The following SETX variants were observed in gnomAD, a reference collection of about 807,000 sequenced individuals.
SETX encodes helicase senataxin.
Under a neutral mutation model 227.2 loss-of-function variants are expected in SETX, and 90 were observed. The observed-to-expected ratio is 0.40, with a 90% confidence interval of 0.33 to 0.47. The LOEUF is 0.47. SETX is among the 20% of genes least tolerant of loss of function. The pLI, the probability that SETX is intolerant of heterozygous loss-of-function variation, is 0.91. For missense variants in SETX, 3,052 were observed against 3,181.5 expected (o/e 0.96, Z 0.98); for synonymous variants, 1,210 against 1,113.2 (o/e 1.09, Z -1.73).
intron 15 of SETX, among the ~76,000 whole-genome samples, chr9:132,290,329 C>A (rs1373285316): frequency 1.3e-5 from 2 of 152,076 alleles, no homozygotes; most frequent in Non-Finnish European, 2.9e-5. Flanking sequence ...GTAATCCCAG[C>A]ACTCTGGGAG....
intron 18 of SETX, among the ~76,000 whole-genome samples, chr9:132,284,154 G>A (rs909197227): frequency 1.3e-5 from 2 of 152,138 alleles, no homozygotes; most frequent in Admixed American, 6.5e-5. Flanking sequence ...GGTCCTCCAC[G>A]GCTCACACAG....
chr9:132,280,558 A>G (rs981036010), intron 20 of SETX, among the ~76,000 whole-genome samples: 1 of 152,190 alleles, frequency 6.6e-6, no homozygotes, highest in Non-Finnish European at 1.5e-5. Context: ...CTCAAATGTC[A>G]TACAAAGAAC....
Position 132,346,246 on chromosome 9 carries a change from C to T in SETX, c.388+15G>A, listed in dbSNP as rs1168501889. The T allele has an allele frequency of 1.9e-6, 3 of 1,586,314 alleles. No individual in the cohort carries two copies. Among genetic ancestry groups the T allele is most frequent in the Non-Finnish European group, 1.7e-6 (2 of 1,155,004 alleles). ...ATAAAACTGATATAACTTGAGGAACCATCAAGATACTCACTAACACGTTCA... is the reference window on the plus strand; with the variant it reads ...ATAAAACTGATATAACTTGAGGAACTATCAAGATACTCACTAACACGTTCA... On this transcript the variant is annotated intron_variant, in intron 4 of 25. Coordinates refer to ENST00000224140, the MANE Select transcript of SETX (RefSeq NM_015046.7).
chr9:132,317,309 T>C (rs886896405), intron 10 of SETX, among the ~76,000 whole-genome samples: 1 of 152,218 alleles, frequency 6.6e-6, no homozygotes, highest in Non-Finnish European at 1.5e-5. Context: ...CTGGGGTTTC[T>C]GTGTAGGTCA....
chr9:132,296,883 C>A lies in SETX; in HGVS notation c.5949+4G>T. 6.2e-7 allele frequency: 1 copy of A among 1,613,994 alleles called. No homozygotes were observed. Among genetic ancestry groups the A allele is most frequent in the Non-Finnish European group, 8.5e-7 (1 of 1,179,956 alleles). On this transcript the variant is annotated splice_donor_region_variant and intron_variant, in intron 14 of 25. Transcript: ENST00000224140. ...ACAGCATCAGTGCCCTCACCCATAC[C>A]TACCTCTGTCAGTAGACGATAGAGG...
At chr9:132,267,834 C>A (rs1589603262) in intron 25 of SETX, among the ~76,000 whole-genome samples, 2 of 152,212 alleles carry the variant, frequency 1.3e-5, no homozygotes, top group African/African-American at 2.4e-5. Flanking sequence ...CCTCCTGCAC[C>A]CCACCCTTCA....
chr9:132,296,194 AC>A (rs1844658982), intron 14 of SETX, among the ~76,000 whole-genome samples, 166 bp from the exon 15 acceptor site: 1 of 152,194 alleles, frequency 6.6e-6, no homozygotes, highest in Admixed American at 6.5e-5. Context: ...ATTTAAAATT[AC>A]TCCAGCAAAA....
chr9:132,298,389 T>G (rs1844799990), intron 12 of SETX, 77 bp from the exon 13 acceptor site: 5 of 1,182,896 alleles, frequency 4.2e-6, no homozygotes, highest in Non-Finnish European at 6.3e-6. Context: ...CATGCAGAAT[T>G]AGGTATTTTT....
Position 132,292,369 on chromosome 9 carries a change from C to A in SETX, c.6106+3503G>T, listed in dbSNP as rs1844373238. On this transcript the variant is annotated intron_variant, in intron 15 of 25. Coordinates refer to ENST00000224140, the MANE Select transcript of SETX (RefSeq NM_015046.7). ...ACTTGAGCCCAGGAGGGCAAGGCTGCACTGAGCCATGATCATGCCAATGTA... is the reference window on the plus strand; with the variant it reads ...ACTTGAGCCCAGGAGGGCAAGGCTGAACTGAGCCATGATCATGCCAATGTA... Among the ~76,000 whole-genome samples the A allele has an allele frequency of 2.2e-5, 3 of 137,640 alleles. 1 individual carries two copies. Among genetic ancestry groups the A allele is most frequent in the Admixed American group, 8.2e-5 (1 of 12,238 alleles). The allele number at this position is 137,640 out of a possible 152,430, so 90.3% of individuals were successfully genotyped here. A position where few individuals can be genotyped will look rare whatever the true frequency, so the allele number is the denominator to read the frequency against.
intron 17 of SETX, 47 bp from the exon 18 acceptor site, chr9:132,286,541 T>C: frequency 8.3e-6 from 11 of 1,320,810 alleles, no homozygotes; most frequent in Non-Finnish European, 1.2e-5. Flanking sequence ...CTAAGCATTT[T>C]TAAATGCCTT....
At chr9:132,312,889 T>C (rs532397016) in intron 10 of SETX, among the ~76,000 whole-genome samples, 9 of 152,308 alleles carry the variant, frequency 5.9e-5, no homozygotes, top group East Asian at 1.9e-4. Context: ...ATCCATACAA[T>C]AGAATCTCAT....
intron 3 of SETX, 100 bp from the exon 4 acceptor site, chr9:132,346,571 C>G (rs544722188): frequency 1.3e-4 from 110 of 838,156 alleles, no homozygotes; most frequent in South Asian, 8.4e-4. Flanking sequence ...TACAAAAATT[C>G]TGAAATGTAA....
chr9:132,280,463 C>T (rs1430925862), intron 20 of SETX, among the ~76,000 whole-genome samples: 2 of 152,174 alleles, frequency 1.3e-5, no homozygotes, highest in East Asian at 1.9e-4. Context: ...AAGTTACCTG[C>T]AGCAGTTCTT....
At chr9:132,266,268 A>G (rs2131122475) in intron 25 of SETX, 1 of 152,394 alleles carries the variant, frequency 6.6e-6, no homozygotes, top group Non-Finnish European at 1.5e-5. Flanking sequence ...TAGGAGTAAT[A>G]TTTTATTTAA....
intron 18 of SETX, among the ~76,000 whole-genome samples, chr9:132,285,137 A>G (rs1004389054): frequency 2.6e-5 from 4 of 152,140 alleles, no homozygotes; most frequent in South Asian, 2.1e-4. Context: ...TCGGCCTCCC[A>G]AAGTGCTGGG....
rs891812315 is a variant in SETX at position 132,353,770 on chromosome 9, C to A, written c.-114-15G>T. ...AAAGAACATTTCTGAAATTAAAAAA[C>A]AAAAAACGAAATTGGTAAGTGGCAT... On this transcript the variant is annotated splice_polypyrimidine_tract_variant and intron_variant, in intron 1 of 25. Coordinates refer to ENST00000224140, the MANE Select transcript of SETX (RefSeq NM_015046.7). 1.3e-5 allele frequency: 2 copies of A among 152,092 alleles called. No homozygotes were observed. The highest frequency in any genetic ancestry group is 4.8e-5 in the African/African-American group (2 of 41,408). The allele number at this position is 152,092 out of a possible 1,614,324, so 9.4% of individuals were successfully genotyped here.
chr9:132,264,887 A>C lies in SETX; in HGVS notation c.7386T>G (p.Ile2462Met). ...DKNYRHDAVKILKLKPVLQRS... is the reference protein window; with the variant it reads ...DKNYRHDAVKMLKLKPVLQRS... ...TCTGCAGCACAGGCTTGAGTTTCAG[A>C]ATCTTCACTGCATCATGTCTATAGT... Residue 2462 changes from isoleucine to methionine, a missense_variant, in exon 26 of 26, where the codon ATT (isoleucine) becomes ATG (methionine). Around this residue, in one of 10 missense-constraint regions of SETX, gnomAD observed 294 missense variants for 278.8 expected, o/e 1.05. Transcript: ENST00000224140. 1 of 1,614,064 alleles carries C rather than the reference A, an allele frequency of 6.2e-7. No homozygotes were observed. The highest frequency in any genetic ancestry group is 8.5e-7 in the Non-Finnish European group (1 of 1,179,936).
chr9:132,299,707 A>C (rs1425186626), intron 12 of SETX, among the ~76,000 whole-genome samples: 1 of 152,242 alleles, frequency 6.6e-6, no homozygotes. Flanking sequence ...AGCAGGCTTC[A>C]ATTCTGGACT....
At chr9:132,349,135 A>C in intron 3 of SETX, 117 bp downstream of exon 3, 8 of 1,074,560 alleles carry the variant, frequency 7.4e-6, no homozygotes, top group African/African-American at 1.6e-5. Context: ...ACAAAAAAAA[A>C]AACCCACAAA....
Sources: gnomAD v4.1 joint callset for allele counts (sites outside exome capture counted in the v4.1 genomes callset) on GRCh38, gnomAD v4.1.1 for gene constraint, gnomAD v4.1.1 regional missense constraint, MANE v1.5 for transcripts, NCBI Gene and HGNC (gene_info 2026-07-23, HGNC 2026-07-21) for gene names.